Variants in CNRIP1 observed in about 807,000 individuals in gnomAD.
The protein encoded by CNRIP1 is cannabinoid receptor interacting protein 1.
In CNRIP1, 10 loss-of-function variants were observed where a neutral mutation model predicts 15.2. That is an observed-to-expected ratio of 0.66 (90% CI 0.41 to 1.12). The LOEUF is 1.12. CNRIP1 is among the 50% of genes most tolerant of loss of function. CNRIP1 has a pLI of 0.00. For missense variants in CNRIP1, 211 were observed against 214.7 expected (o/e 0.98, Z 0.11); for synonymous variants, 91 against 83.2 (o/e 1.09, Z -0.51).
At chr2:68,311,779 GAAAA>G (rs59421926) in intron 2 of CNRIP1, among the ~76,000 whole-genome samples, 1 of 90,264 alleles carries the variant, frequency 1.1e-5, no homozygotes. Flanking sequence ...CATCTCCGGG[GAAAA>G]AAAAAAAAAA....
chr2:68,303,798 C>T (rs1234418452), intron 2 of CNRIP1, among the ~76,000 whole-genome samples: 1 of 152,126 alleles, frequency 6.6e-6, no homozygotes, highest in African/African-American at 2.4e-5. Context: ...TTGGAGAGTC[C>T]AGGCGCGGTT....
At chr2:68,297,558 A>T (rs1671416720) in intron 2 of CNRIP1, among the ~76,000 whole-genome samples, 1 of 143,004 alleles carries the variant, frequency 7.0e-6, no homozygotes, top group South Asian at 2.3e-4. Flanking sequence ...ACAGGGCAAG[A>T]CACTGTCTCA....
intron 2 of CNRIP1, among the ~76,000 whole-genome samples, chr2:68,286,439 G>GA (rs1671034446): frequency 1.3e-5 from 2 of 151,992 alleles, no homozygotes; most frequent in East Asian, 1.9e-4. Context: ...TTTTGAGTTG[G>GA]AAAAAACATT....
intron 2 of CNRIP1, among the ~76,000 whole-genome samples, chr2:68,302,886 G>C (rs1023662711): frequency 7.7e-6 from 1 of 130,494 alleles, no homozygotes; most frequent in African/African-American, 3.1e-5. Flanking sequence ...TCTCCCTGTC[G>C]CCCAGGCTGG....
downstream of CNRIP1, among the ~76,000 whole-genome samples, chr2:68,289,856 T>G (rs1043940962): frequency 3.3e-5 from 5 of 152,234 alleles, no homozygotes; most frequent in Middle Eastern, 3.4e-3. Context: ...TTAATGTACA[T>G]TAACTTATTT....
At chr2:68,295,652 A>G (rs542524108) in intron 2 of CNRIP1, among the ~76,000 whole-genome samples, 2 of 152,336 alleles carry the variant, frequency 1.3e-5, no homozygotes, top group South Asian at 2.1e-4. Context: ...CCCAAAGTAC[A>G]TGCTGTATGA....
downstream of CNRIP1, among the ~76,000 whole-genome samples, chr2:68,292,631 G>T (rs983280168): frequency 6.6e-6 from 1 of 152,118 alleles, no homozygotes; most frequent in Non-Finnish European, 1.5e-5. Context: ...TGGTATATGG[G>T]CTTTGTGCAA....
chr2:68,315,640 A>C (rs1377770805), intron 2 of CNRIP1, among the ~76,000 whole-genome samples: 1 of 152,170 alleles, frequency 6.6e-6, no homozygotes, highest in African/African-American at 2.4e-5. Flanking sequence ...TGAAAGATGT[A>C]TACAAGTAGA....
At chr2:68,300,854 C>A (rs1671580538) in intron 2 of CNRIP1, among the ~76,000 whole-genome samples, 1 of 152,100 alleles carries the variant, frequency 6.6e-6, no homozygotes, top group Non-Finnish European at 1.5e-5. Context: ...ATAATTTCAA[C>A]AAAATGGACA....
Position 68,293,841 on chromosome 2 carries a change from T to C in CNRIP1, c.*21A>G. ...GTAGATTTCTGAAAAGATTGTCCAGTAGCATCAGAAAGAGCCACTTTCAGA... is the reference window on the plus strand; with the variant it reads ...GTAGATTTCTGAAAAGATTGTCCAGCAGCATCAGAAAGAGCCACTTTCAGA... On this transcript the variant is annotated 3_prime_UTR_variant, in exon 3 of 3. Coordinates refer to ENST00000263655, the MANE Select transcript of CNRIP1 (RefSeq NM_015463.3). 1 of 1,610,888 alleles carries C rather than the reference T, an allele frequency of 6.2e-7. No homozygotes were observed. Among genetic ancestry groups the C allele is most frequent in the Non-Finnish European group, 8.5e-7 (1 of 1,177,518 alleles).
downstream of CNRIP1, among the ~76,000 whole-genome samples, chr2:68,290,767 C>T (rs143024041): frequency 7.9e-4 from 120 of 152,274 alleles, no homozygotes; most frequent in East Asian, 0.022. Context: ...TATTTTTTGG[C>T]ATGTTTTCTG....
chr2:68,305,155 A>G (rs1009083681), intron 2 of CNRIP1, among the ~76,000 whole-genome samples: 15 of 150,750 alleles, frequency 1.0e-4, no homozygotes, highest in African/African-American at 3.4e-4. Context: ...GAGGCAGGAG[A>G]ATTGCTTGAA....
chr2:68,294,323 T>A (rs906163215), intron 2 of CNRIP1, among the ~76,000 whole-genome samples: 2 of 152,234 alleles, frequency 1.3e-5, no homozygotes, highest in Non-Finnish European at 2.9e-5. Flanking sequence ...TTTATCTTGT[T>A]TTTCAAGTTT....
chr2:68,287,074 A>G (rs1671049611), intron 2 of CNRIP1, among the ~76,000 whole-genome samples: 2 of 152,232 alleles, frequency 1.3e-5, no homozygotes, highest in Admixed American at 6.5e-5. Context: ...TTTTAAGACC[A>G]TGGAAGGAAA....
intron 1 of CNRIP1, among the ~76,000 whole-genome samples, chr2:68,317,708 C>A (rs1672327147): frequency 6.6e-6 from 1 of 152,094 alleles, no homozygotes; most frequent in South Asian, 2.1e-4. Context: ...TCACTGGCAT[C>A]ATTCTTTTGT....
At chr2:68,290,196 T>A (rs1052305261), downstream of CNRIP1, among the ~76,000 whole-genome samples, 2 of 151,780 alleles carry the variant, frequency 1.3e-5, no homozygotes, top group African/African-American at 2.4e-5. Context: ...GCTGGGTAAA[T>A]TTTACATTTT....
intron 2 of CNRIP1, among the ~76,000 whole-genome samples, chr2:68,302,871 C>CG (rs1204014786): frequency 8.2e-6 from 1 of 122,032 alleles, no homozygotes; most frequent in Non-Finnish European, 1.6e-5. Context: ...TTTTTTGAGA[C>CG]GGAGTCTCCC....
chr2:68,302,901 C>T (rs991280782), intron 2 of CNRIP1, among the ~76,000 whole-genome samples: 6 of 139,724 alleles, frequency 4.3e-5, no homozygotes, highest in African/African-American at 8.3e-5. Context: ...GGCTGGAGTG[C>T]AGTGGTGCGA....
intron 2 of CNRIP1, chr2:68,316,897 A>T (rs1286663786): frequency 2.6e-5 from 16 of 606,754 alleles, no homozygotes; most frequent in Admixed American, 1.5e-4. Context: ...GAAAATGGCA[A>T]TGTAGGTTCT....
Sources: allele counts gnomAD v4.1 joint callset (sites outside exome capture counted in the v4.1 genomes callset), GRCh38; gene constraint gnomAD v4.1.1; transcripts MANE v1.5; gene names NCBI Gene and HGNC (gene_info 2026-07-23, HGNC 2026-07-21).